The following GABRR3 variants were observed in gnomAD, a reference collection of about 807,000 sequenced individuals.
GABRR3 encodes the protein gamma-aminobutyric acid receptor subunit rho-3.
Under a neutral mutation model 43.2 loss-of-function variants are expected in GABRR3, and 29 were observed. The ratio of observed to expected loss-of-function variants is 0.67; its 90% CI spans 0.50 to 0.92. The LOEUF (loss-of-function observed/expected upper bound fraction) is 0.92. Among genes scored for constraint, GABRR3 ranks in the 40% least tolerant of loss-of-function variants. GABRR3 has a pLI of 0.00. For synonymous variants in GABRR3, 206 were observed against 195.9 expected (o/e 1.05, Z -0.43); for missense variants, 576 against 572.3 (o/e 1.01, Z -0.07).
intron 9 of GABRR3, among the ~76,000 whole-genome samples, chr3:97,987,401 T>C (rs961725741): frequency 3.3e-5 from 5 of 152,222 alleles, no homozygotes; most frequent in African/African-American, 1.2e-4. Context: ...CCTGATTGAA[T>C]CAAAACTAAA....
At chr3:98,000,196 TG>T (rs1310665450) in intron 8 of GABRR3, 2 of 152,134 alleles carry the variant, frequency 1.3e-5, no homozygotes, top group Non-Finnish European at 2.9e-5. Flanking sequence ...GGATCAGATG[TG>T]GTTGCAAGAA....
At chr3:98,011,872 A>G (rs1231157479) in intron 5 of GABRR3, among the ~76,000 whole-genome samples, 3 of 152,244 alleles carry the variant, frequency 2.0e-5, no homozygotes, top group East Asian at 3.8e-4. Flanking sequence ...AAGTGTTGGA[A>G]TGCACATTTT....
chr3:97,986,669 T>C (rs1380462286), downstream of GABRR3: 3 of 1,468,484 alleles, frequency 2.0e-6, no homozygotes, highest in East Asian at 2.4e-5. Flanking sequence ...GTTGTATACA[T>C]TTGAAATTCC....
chr3:97,999,716 A>T (rs1559775176), intron 8 of GABRR3: 1 of 152,186 alleles, frequency 6.6e-6, no homozygotes, highest in Non-Finnish European at 1.5e-5. Context: ...CCAGGCATCA[A>T]GCTAGGCAGT....
At chr3:98,001,807 C>T (rs779706333) in intron 7 of GABRR3, 40 bp from the exon 8 acceptor site, 5 of 1,609,122 alleles carry the variant, frequency 3.1e-6, no homozygotes, top group East Asian at 2.2e-5. Context: ...AGCAAGCTTC[C>T]CCTTAGAAAC....
chr3:98,017,808 G>A (rs1706889468), intron 3 of GABRR3, 86 bp from the exon 4 acceptor site: 1 of 904,182 alleles, frequency 1.1e-6, no homozygotes, highest in African/African-American at 1.7e-5. Context: ...AATTCTCTTG[G>A]ACAGCAACTG....
chr3:98,031,169 T>C (rs1179756521), intron 2 of GABRR3, among the ~76,000 whole-genome samples: 1 of 152,178 alleles, frequency 6.6e-6, no homozygotes, highest in Non-Finnish European at 1.5e-5. Flanking sequence ...CAGATGAACA[T>C]TTCTGTGGAA....
intron 1 of GABRR3, 34 bp from the exon 2 acceptor site, chr3:98,035,023 G>T: frequency 6.3e-7 from 1 of 1,598,102 alleles, no homozygotes; most frequent in South Asian, 1.1e-5. Flanking sequence ...GGATGCAGGT[G>T]AACGCAACCA....
At chr3:97,995,049 G>A (rs1264466761) in intron 8 of GABRR3, among the ~76,000 whole-genome samples, 2 of 152,082 alleles carry the variant, frequency 1.3e-5, no homozygotes, top group Non-Finnish European at 2.9e-5. Flanking sequence ...CACGATCTCG[G>A]CTCACTGCAA....
At chr3:98,012,282 TCAGCTTTGGTG>T in intron 5 of GABRR3, 51 bp downstream of exon 5, 1 of 1,198,952 alleles carries the variant, frequency 8.3e-7, no homozygotes, top group Non-Finnish European at 1.2e-6. Flanking sequence ...ATAAGCATCA[TCAGCTTTGGTG>T]CAGATGGCTG....
intron 2 of GABRR3, among the ~76,000 whole-genome samples, chr3:98,031,820 G>A (rs75165752): frequency 0.024 from 3,604 of 152,160 alleles, 139 homozygotes; most frequent in African/African-American, 0.082. Flanking sequence ...TTCCCTCAGA[G>A]GAGCATATAC....
intron 5 of GABRR3, among the ~76,000 whole-genome samples, chr3:98,010,816 G>A (rs945265906): frequency 3.8e-4 from 58 of 152,220 alleles, no homozygotes; most frequent in African/African-American, 1.4e-3. Context: ...AAGTCCTATT[G>A]AGGCCAGGCA....
rs189555481 is a variant in GABRR3, at chr3:98,031,058, A to G, written c.125+3805T>C. Among the ~76,000 whole-genome samples, 3 of 152,330 alleles carry G rather than the reference A, an allele frequency of 2.0e-5. No homozygotes were observed. In the East Asian group the frequency reaches 5.8e-4, roughly 29 times the overall value. On this transcript the variant is annotated intron_variant, in intron 2 of 9. Coordinates refer to ENST00000621172, the Ensembl canonical transcript of GABRR3. ...AGAGAAAACGTGGTACATCAGATGT[A>G]GTGAATCTTATGGCTCTGATTGAAC... is the stretch of plus-strand genomic sequence containing the variant.
chr3:98,015,514 C>T (rs1196103327), intron 4 of GABRR3, among the ~76,000 whole-genome samples: 1 of 152,174 alleles, frequency 6.6e-6, no homozygotes, highest in African/African-American at 2.4e-5. Flanking sequence ...AAATTGTTTA[C>T]TACTTTGGGT....
At chr3:98,013,117 C>T (rs1449401147) in intron 4 of GABRR3, among the ~76,000 whole-genome samples, 1 of 152,176 alleles carries the variant, frequency 6.6e-6, no homozygotes, top group African/African-American at 2.4e-5. Context: ...ACAGAATCAT[C>T]CTCAGCTTGA....
intron 9 of GABRR3, among the ~76,000 whole-genome samples, chr3:97,992,151 A>G (rs1322261001): frequency 1.3e-5 from 2 of 152,200 alleles, no homozygotes; most frequent in Non-Finnish European, 2.9e-5. Flanking sequence ...CACAAAAAAC[A>G]TGGATAACAT....
exon 5 of GABRR3, chr3:98,012,501 C>T: frequency 6.2e-7 from 1 of 1,613,922 alleles, no homozygotes; most frequent in Non-Finnish European, 8.5e-7. Flanking sequence ...CTTTTGTTTG[C>T]TGTGCTAGGA....
intron 2 of GABRR3, among the ~76,000 whole-genome samples, chr3:98,032,676 GA>G (rs1312356526): frequency 1.3e-5 from 2 of 152,068 alleles, no homozygotes; most frequent in Non-Finnish European, 2.9e-5. Context: ...TTTAGGTTTT[GA>G]AAGAAGGGAA....
At chr3:98,030,698 A>G (rs1421918950) in intron 2 of GABRR3, among the ~76,000 whole-genome samples, 1 of 152,182 alleles carries the variant, frequency 6.6e-6, no homozygotes, top group African/African-American at 2.4e-5. Flanking sequence ...TTATCACTCC[A>G]TTCTCCTTGT....
Sources: gnomAD v4.1 joint callset for allele counts (sites outside exome capture counted in the v4.1 genomes callset) on GRCh38, gnomAD v4.1.1 for gene constraint, MANE v1.5 for transcripts, NCBI Gene and HGNC (gene_info 2026-07-23, HGNC 2026-07-21) for gene names.